The following FBLN7 variants were observed in gnomAD, a reference collection of about 807,000 sequenced individuals.
FBLN7 encodes the protein fibulin 7, also known as fibulin-7.
A neutral mutation model predicts 44.0 loss-of-function variants in FBLN7; 31 were observed. The ratio of observed to expected loss-of-function variants is 0.70; its 90% confidence interval spans 0.53 to 0.95. The LOEUF (loss-of-function observed/expected upper bound fraction) is 0.95, where lower values mean the gene tolerates loss of function less well. Among genes scored for constraint, FBLN7 ranks in the 40% least tolerant of loss-of-function variants. The probability of loss-of-function intolerance (pLI) is 0.00; values close to 1 mark genes in which losing one functional copy is unlikely to be tolerated. For synonymous variants in FBLN7, 262 were observed against 253.4 expected, an observed-to-expected ratio of 1.03 and a Z score of -0.32; for missense variants, 573 against 618.5, an observed-to-expected ratio of 0.93 and a Z score of 0.78.
At position 112,138,526 on chromosome 2, in the gene FBLN7, C is replaced by G. The variant is rs548581268; in HGVS notation, c.-130C>G. 30 of 1,326,152 alleles carry G rather than the reference C, an allele frequency of 2.3e-5. 1 individual carries two copies. In the South Asian group the frequency reaches 2.3e-4, roughly 10 times the overall value. 82.1% of individuals were successfully genotyped at this position (1,326,152 alleles called of 1,614,324 possible). On this transcript the variant is annotated 5_prime_UTR_variant, in exon 1 of 8. Coordinates refer to ENST00000331203, the MANE Select transcript of FBLN7 (RefSeq NM_153214.3). The stretch of plus-strand genomic sequence containing the variant: ...CGCTCGGGGCCTCCCGCCTCCCCCC[C>G]TGCCCCAGCCGCCCCCCGGCCGCGC...
intron 2 of FBLN7, among the ~76,000 whole-genome samples, chr2:112,164,094 G>A (rs1039697613): frequency 6.6e-6 from 1 of 152,044 alleles, no homozygotes; most frequent in Non-Finnish European, 1.5e-5. Flanking sequence ...CCCACACTTC[G>A]CCATTGCTTA....
chr2:112,182,226 C>A (rs975139884), intron 5 of FBLN7, among the ~76,000 whole-genome samples: 33 of 152,070 alleles, frequency 2.2e-4, no homozygotes, highest in Non-Finnish European at 4.7e-4. Flanking sequence ...AGAGCGGGCC[C>A]GGAGCTGGGT....
At chr2:112,206,870 C>T in the FBLN7 span, among the ~76,000 whole-genome samples, 1 of 151,500 alleles carries the variant, frequency 6.6e-6, no homozygotes, top group African/African-American at 2.4e-5. Flanking sequence ...GTAGCTGGAA[C>T]CACAGGTGCA....
chr2:112,169,740 C>T (rs1463155011), intron 3 of FBLN7, among the ~76,000 whole-genome samples: 1 of 152,126 alleles, frequency 6.6e-6, no homozygotes, highest in Non-Finnish European at 1.5e-5. Flanking sequence ...CAAAGCAAAG[C>T]AGGCAGCCAC....
the FBLN7 span, among the ~76,000 whole-genome samples, chr2:112,200,180 A>G: frequency 6.6e-6 from 1 of 152,210 alleles, no homozygotes; most frequent in South Asian, 2.1e-4. Context: ...AGTGCTCTCA[A>G]CTGCAATCCC....
the FBLN7 span, among the ~76,000 whole-genome samples, chr2:112,241,210 T>C: frequency 1.3e-5 from 2 of 152,060 alleles, no homozygotes; most frequent in Non-Finnish European, 2.9e-5. Context: ...CTCTGCCCTC[T>C]CCCTCTCCAG....
chr2:112,240,778 C>CTAGCTATAAA, the FBLN7 span, among the ~76,000 whole-genome samples: 2 of 152,154 alleles, frequency 1.3e-5, no homozygotes, highest in Non-Finnish European at 2.9e-5. Context: ...CTTCACTTAG[C>CTAGCTATAAA]TAGCTATAAA....
the FBLN7 span, among the ~76,000 whole-genome samples, chr2:112,229,273 G>C: frequency 1.3e-5 from 2 of 152,140 alleles, no homozygotes; most frequent in Non-Finnish European, 2.9e-5. Flanking sequence ...ACAAAAATAA[G>C]AATGATATGA....
chr2:112,182,658 C>T (rs1445340143), intron 5 of FBLN7, 133 bp from the exon 6 acceptor site: 10 of 1,083,108 alleles, frequency 9.2e-6, no homozygotes, highest in East Asian at 2.6e-5. Context: ...TAGGGCATGG[C>T]GGCTGCCCGA....
chr2:112,182,992 C>A lies in FBLN7; in HGVS notation c.808+64C>A. 4 of 1,583,986 alleles carry A rather than the reference C, an allele frequency of 2.5e-6. No individual in the cohort carries two copies. In the Admixed American group the frequency reaches 5.5e-5, roughly 22 times the overall value. On this transcript the variant is annotated intron_variant, in intron 6 of 7. Transcript: ENST00000331203. ...CTGCTGCTGTGCTGAACCCCCAGGACCTCACAGTCGGGAGTGAGGTGGTTA... is the reference window on the plus strand; with the variant it reads ...CTGCTGCTGTGCTGAACCCCCAGGAACTCACAGTCGGGAGTGAGGTGGTTA...
chr2:112,226,229 T>A, the FBLN7 span, among the ~76,000 whole-genome samples: 157 of 150,564 alleles, frequency 1.0e-3, no homozygotes, highest in African/African-American at 3.1e-3. Context: ...GTTTTTTTTT[T>A]AAAAAAGAAA....
At chr2:112,166,297 T>A (rs778464070) in intron 3 of FBLN7, among the ~76,000 whole-genome samples, 19 of 152,210 alleles carry the variant, frequency 1.2e-4, no homozygotes, top group Non-Finnish European at 2.6e-4. Flanking sequence ...GTTATCTGCC[T>A]GCCTCGGCCT....
At chr2:112,222,439 A>T in the FBLN7 span, among the ~76,000 whole-genome samples, 1 of 152,174 alleles carries the variant, frequency 6.6e-6, no homozygotes, top group African/African-American at 2.4e-5. Flanking sequence ...CCAGGGCAAA[A>T]GGAGGCTGTG....
At chr2:112,210,334 C>T in the FBLN7 span, among the ~76,000 whole-genome samples, 1 of 151,848 alleles carries the variant, frequency 6.6e-6, no homozygotes, top group Non-Finnish European at 1.5e-5. Flanking sequence ...CCAGAATTCT[C>T]GCTGTTGAAG....
the FBLN7 span, among the ~76,000 whole-genome samples, chr2:112,198,918 AT>A: frequency 6.6e-6 from 1 of 152,188 alleles, no homozygotes; most frequent in African/African-American, 2.4e-5. Flanking sequence ...TCCCTCCACT[AT>A]AGTCTACCAG....
At chr2:112,140,809 G>C (rs1680606412) in intron 1 of FBLN7, among the ~76,000 whole-genome samples, 1 of 152,174 alleles carries the variant, frequency 6.6e-6, no homozygotes, top group Non-Finnish European at 1.5e-5. Context: ...TTCCGAAGCG[G>C]TCCCTTCCCG....
chr2:112,233,327 T>C, the FBLN7 span: 4 of 1,599,654 alleles, frequency 2.5e-6, no homozygotes, highest in East Asian at 9.0e-5. Context: ...ACATTTCCTT[T>C]TTCTTTTCTA....
the FBLN7 span, among the ~76,000 whole-genome samples, chr2:112,229,942 C>CAA: frequency 9.4e-5 from 11 of 116,780 alleles, no homozygotes; most frequent in Admixed American, 1.8e-4. Context: ...TGAGATGCCG[C>CAA]AAAAAAAAAA....
the FBLN7 span, among the ~76,000 whole-genome samples, chr2:112,240,970 TGTGTGTGTGTGTGTGCGC>T: frequency 6.9e-6 from 1 of 144,818 alleles, no homozygotes; most frequent in African/African-American, 2.6e-5. Context: ...TGTGTGTGTG[TGTGTGTGTGTGTGTGCGC>T]GTGTGTATGT....
Sources: allele counts gnomAD v4.1 joint callset (sites outside exome capture counted in the v4.1 genomes callset), GRCh38; gene constraint gnomAD v4.1.1; transcripts MANE v1.5; gene names NCBI Gene and HGNC (gene_info 2026-07-23, HGNC 2026-07-21).